Variants in OR6N1 observed in about 807,000 individuals in gnomAD.
OR6N1 encodes the protein olfactory receptor 6N1.
For synonymous variants in OR6N1, 170 were observed against 150.7 expected (o/e 1.13, Z -0.94); for missense variants, 394 against 371.7 (o/e 1.06, Z -0.49).
upstream of OR6N1, chr1:158,774,859 T>C (rs1472397244): frequency 6.6e-6 from 1 of 152,142 alleles, no homozygotes; most frequent in Non-Finnish European, 1.5e-5. Context: ...TGAGTACAAA[T>C]AGGGAAGACC....
the OR6N1 span, among the ~76,000 whole-genome samples, chr1:158,822,876 A>G: frequency 0.18 from 27,312 of 152,094 alleles, 2,686 homozygotes; most frequent in Admixed American, 0.27. Flanking sequence ...ATGTTGAGGT[A>G]TGTTCCTTCA....
At position 158,764,823 on chromosome 1, in the gene OR6N1, T is replaced by C. The variant is rs1657201465; in HGVS notation, c.*921A>G. ...CACTGACTCAACTCCTATACTTTCA[T>C]ACATTATACTGGCCATAGATATTAG... On this transcript the variant is annotated 3_prime_UTR_variant, in exon 2 of 2. Transcript: ENST00000641846. 1 of 152,104 alleles carries C rather than the reference T, an allele frequency of 6.6e-6. No individual in the cohort carries two copies. Among genetic ancestry groups the C allele is most frequent in the Admixed American group, 6.6e-5 (1 of 15,262 alleles). 9.4% of individuals were successfully genotyped at this position (152,104 alleles called of 1,614,324 possible). A position where few individuals can be genotyped will look rare whatever the true frequency, so the allele number is the denominator to read the frequency against.
At chr1:158,787,958 A>C in the OR6N1 span, among the ~76,000 whole-genome samples, 1 of 152,174 alleles carries the variant, frequency 6.6e-6, no homozygotes, top group Non-Finnish European at 1.5e-5. Context: ...GTCTGACAGG[A>C]TGATGGCAGA....
upstream of OR6N1, among the ~76,000 whole-genome samples, chr1:158,773,052 C>A (rs1485537560): frequency 6.6e-6 from 1 of 151,918 alleles, no homozygotes; most frequent in Non-Finnish European, 1.5e-5. Flanking sequence ...AAAGTACTTA[C>A]AAACTATAAT....
the OR6N1 span, among the ~76,000 whole-genome samples, chr1:158,828,647 C>T: frequency 1.3e-5 from 2 of 152,206 alleles, no homozygotes; most frequent in Admixed American, 6.5e-5. Context: ...TTGCATGGTG[C>T]AAGCTATCAG....
the OR6N1 span, among the ~76,000 whole-genome samples, chr1:158,806,490 G>A: frequency 0.018 from 2,751 of 152,246 alleles, 81 homozygotes; most frequent in African/African-American, 0.062. Context: ...TGCATGTAAG[G>A]GAACTGAGGT....
At chr1:158,824,087 A>G in the OR6N1 span, among the ~76,000 whole-genome samples, 3 of 151,810 alleles carry the variant, frequency 2.0e-5, no homozygotes, top group Admixed American at 6.6e-5. Flanking sequence ...TTGATATGTG[A>G]TATGGTTTGG....
At chr1:158,773,259 T>C (rs1462750252), upstream of OR6N1, among the ~76,000 whole-genome samples, 1 of 152,150 alleles carries the variant, frequency 6.6e-6, no homozygotes, top group African/African-American at 2.4e-5. Context: ...AATTTTTGAG[T>C]CAAAGTATTA....
At chr1:158,794,485 T>C in the OR6N1 span, among the ~76,000 whole-genome samples, 1 of 152,030 alleles carries the variant, frequency 6.6e-6, no homozygotes, top group Non-Finnish European at 1.5e-5. Flanking sequence ...AGCCACCCAG[T>C]GGGGATTCCA....
chr1:158,834,667 C>A, the OR6N1 span, among the ~76,000 whole-genome samples: 1 of 151,994 alleles, frequency 6.6e-6, no homozygotes, highest in African/African-American at 2.4e-5. Flanking sequence ...GTTGCCTGTG[C>A]CATCGGTGTC....
the OR6N1 span, among the ~76,000 whole-genome samples, chr1:158,834,209 T>C: frequency 6.6e-6 from 1 of 151,950 alleles, no homozygotes; most frequent in Non-Finnish European, 1.5e-5. Flanking sequence ...TTTGAAGAAA[T>C]GTCTATTCAA....
chr1:158,775,547 G>A (rs1207860170), upstream of OR6N1: 1 of 152,140 alleles, frequency 6.6e-6, no homozygotes, highest in African/African-American at 2.4e-5. Context: ...TTATAAAATG[G>A]TATATACAAT....
chr1:158,787,699 T>G, the OR6N1 span, among the ~76,000 whole-genome samples: 5 of 151,160 alleles, frequency 3.3e-5, no homozygotes, highest in East Asian at 9.7e-4. Flanking sequence ...ACATTTTATT[T>G]TGAATAGTAT....
At chr1:158,785,864 T>G in the OR6N1 span, among the ~76,000 whole-genome samples, 1 of 152,178 alleles carries the variant, frequency 6.6e-6, no homozygotes, top group Admixed American at 6.5e-5. Context: ...GCAGACAAAC[T>G]TTTTCTTAAA....
At chr1:158,786,384 T>C in the OR6N1 span, among the ~76,000 whole-genome samples, 1 of 152,204 alleles carries the variant, frequency 6.6e-6, no homozygotes, top group African/African-American at 2.4e-5. Context: ...GGAACATTTT[T>C]ACACTGCTGA....
At chr1:158,775,393 G>A (rs762644197), upstream of OR6N1, 1 of 152,170 alleles carries the variant, frequency 6.6e-6, no homozygotes, top group Non-Finnish European at 1.5e-5. Flanking sequence ...GAGTAATCAT[G>A]TAGCTAGGAA....
the OR6N1 span, among the ~76,000 whole-genome samples, chr1:158,796,388 T>A: frequency 6.6e-6 from 1 of 152,242 alleles, no homozygotes; most frequent in South Asian, 2.1e-4. Flanking sequence ...ATTTTCTATG[T>A]CTTGTAGGCT....
chr1:158,777,171 A>T, upstream of OR6N1: 1 of 1,614,112 alleles, frequency 6.2e-7, no homozygotes, highest in Non-Finnish European at 8.5e-7. Flanking sequence ...CAGAAATGGG[A>T]CACAGGAAGC....
the OR6N1 span, among the ~76,000 whole-genome samples, chr1:158,821,150 A>G: frequency 6.6e-6 from 1 of 152,074 alleles, no homozygotes; most frequent in Non-Finnish European, 1.5e-5. Flanking sequence ...TTTTTGTTTA[A>G]TATACTTTGT....
Sources: gnomAD v4.1 joint callset for allele counts (sites outside exome capture counted in the v4.1 genomes callset) on GRCh38, gnomAD v4.1.1 for gene constraint, MANE v1.5 for transcripts, NCBI Gene and HGNC (gene_info 2026-07-23, HGNC 2026-07-21) for gene names.